The following ARHGAP32 variants were observed in gnomAD, a reference collection of about 807,000 sequenced individuals.
ARHGAP32 encodes the protein Rho GTPase activating protein 32, also known as rho GTPase-activating protein 32.
In ARHGAP32, 51 loss-of-function variants were observed where a neutral mutation model predicts 186.5. The observed-to-expected ratio is 0.27, with a 90% CI of 0.22 to 0.35. ARHGAP32 has a LOEUF of 0.35. Among genes scored for constraint, ARHGAP32 ranks in the 10% least tolerant of loss-of-function variants. ARHGAP32 has a pLI of 1.00. For synonymous variants in ARHGAP32, 950 were observed against 964.3 expected, an observed-to-expected ratio of 0.99 and a Z score of 0.27; for missense variants, 2,186 against 2,623.5, an observed-to-expected ratio of 0.83 and a Z score of 3.64.
At chr11:129,268,391 A>T (rs1945433007) in intron 1 of ARHGAP32, among the ~76,000 whole-genome samples, 1 of 152,212 alleles carries the variant, frequency 6.6e-6, no homozygotes, top group African/African-American at 2.4e-5. Context: ...TTAAAAAGTT[A>T]ATCGGTCATG....
intron 17 of ARHGAP32, 139 bp downstream of exon 17, chr11:128,981,277 T>C: frequency 1.2e-6 from 1 of 864,598 alleles, no homozygotes. Context: ...AAATTGTGCA[T>C]TTTGGTAAGC....
chr11:129,163,312 C>G (rs971365459), intron 2 of ARHGAP32, among the ~76,000 whole-genome samples: 1 of 152,052 alleles, frequency 6.6e-6, no homozygotes, highest in East Asian at 1.9e-4. Flanking sequence ...AGTAAAATGT[C>G]CTCTCCCACA....
chr11:129,073,645 G>A (rs995311843), intron 6 of ARHGAP32, among the ~76,000 whole-genome samples: 4 of 151,472 alleles, frequency 2.6e-5, no homozygotes, highest in African/African-American at 9.7e-5. Flanking sequence ...AGAAGAAATG[G>A]AGAAAGGAGC....
chr11:129,160,646 T>G (rs1228311079), intron 2 of ARHGAP32, among the ~76,000 whole-genome samples: 2 of 151,980 alleles, frequency 1.3e-5, no homozygotes, highest in Admixed American at 6.5e-5. Context: ...CACTGCTCAA[T>G]GAAATAAGAG....
intron 5 of ARHGAP32, among the ~76,000 whole-genome samples, chr11:129,100,984 CA>C (rs1485016688): frequency 1.3e-5 from 2 of 152,170 alleles, no homozygotes; most frequent in Non-Finnish European, 2.9e-5. Flanking sequence ...TGACTGTCAC[CA>C]CCCATTGGAG....
chr11:129,130,497 T>C (rs757653684), intron 2 of ARHGAP32, among the ~76,000 whole-genome samples: 2 of 151,698 alleles, frequency 1.3e-5, no homozygotes, highest in Non-Finnish European at 2.9e-5. Flanking sequence ...ACTCAACATA[T>C]ATAAAGAAAT....
At chr11:129,038,108 C>T (rs10893955) in intron 11 of ARHGAP32, among the ~76,000 whole-genome samples, 27,814 of 151,362 alleles carry the variant, frequency 0.18, 2,773 homozygotes, top group Non-Finnish European at 0.2. Context: ...CTCAAAAAAA[C>T]GAACAAAAAA....
At chr11:129,126,853 G>A (rs910001646) in intron 2 of ARHGAP32, among the ~76,000 whole-genome samples, 1 of 152,064 alleles carries the variant, frequency 6.6e-6, no homozygotes, top group Non-Finnish European at 1.5e-5. Flanking sequence ...TTAAAAAAAA[G>A]TGAAAGTGTG....
intron 1 of ARHGAP32, among the ~76,000 whole-genome samples, chr11:129,169,199 A>G (rs1943701375): frequency 6.6e-6 from 1 of 152,200 alleles, no homozygotes; most frequent in South Asian, 2.1e-4. Context: ...AAAAGAAAAC[A>G]AAGCCAAAGG....
intron 6 of ARHGAP32, among the ~76,000 whole-genome samples, chr11:129,082,451 T>C (rs1941248794): frequency 1.3e-5 from 2 of 151,756 alleles, no homozygotes; most frequent in African/African-American, 4.8e-5. Flanking sequence ...TAAAGCCAAA[T>C]ACAGCTAACT....
intron 10 of ARHGAP32, among the ~76,000 whole-genome samples, chr11:129,060,968 G>A (rs995915369): frequency 2.7e-5 from 4 of 150,334 alleles, no homozygotes; most frequent in East Asian, 2.0e-4. Flanking sequence ...CAATTTGCCC[G>A]AGACAACACA....
At chr11:129,088,979 CAG>C (rs1178578142) in intron 6 of ARHGAP32, among the ~76,000 whole-genome samples, 46 of 104,858 alleles carry the variant, frequency 4.4e-4, no homozygotes, top group Non-Finnish European at 7.5e-4. Flanking sequence ...GCCTGGGTGA[CAG>C]AGAGAGACCT....
At chr11:129,195,481 G>A (rs1275385378), upstream of ARHGAP32, among the ~76,000 whole-genome samples, 1 of 152,020 alleles carries the variant, frequency 6.6e-6, no homozygotes, top group Admixed American at 6.6e-5. Context: ...GCCATCACAA[G>A]TTTTTTAAAA....
At chr11:129,098,842 C>T (rs1941810359) in intron 5 of ARHGAP32, among the ~76,000 whole-genome samples, 1 of 152,080 alleles carries the variant, frequency 6.6e-6, no homozygotes, top group Non-Finnish European at 1.5e-5. Context: ...GACCATGGAG[C>T]TATTACAGGA....
At chr11:129,117,877 A>C (rs1215533625) in intron 5 of ARHGAP32, among the ~76,000 whole-genome samples, 5 of 151,966 alleles carry the variant, frequency 3.3e-5, no homozygotes, top group Admixed American at 6.6e-5. Context: ...CTTCTTACTG[A>C]AAAATATTTT....
At chr11:129,109,772 GTTTT>G (rs959524616) in intron 5 of ARHGAP32, among the ~76,000 whole-genome samples, 1 of 151,586 alleles carries the variant, frequency 6.6e-6, no homozygotes, top group African/African-American at 2.4e-5. Flanking sequence ...TGAGATTTGT[GTTTT>G]TTTATTTTTT....
At chr11:129,169,631 CAAAAAAAAAA>C (rs35715241) in intron 1 of ARHGAP32, among the ~76,000 whole-genome samples, 1 of 75,150 alleles carries the variant, frequency 1.3e-5, no homozygotes. Context: ...GACTCTGTCT[CAAAAAAAAAA>C]AAAAAAAAAA....
chr11:129,000,693 G>A (rs1249766717), intron 11 of ARHGAP32, among the ~76,000 whole-genome samples: 1 of 152,002 alleles, frequency 6.6e-6, no homozygotes, highest in Non-Finnish European at 1.5e-5. Flanking sequence ...AGCCTGTTGT[G>A]CTATCAAATG....
In ARHGAP32 at chr11:128,969,347, C is replaced by A; in HGVS notation, c.5866G>T (p.Val1956Leu). The A allele has an allele frequency of 6.2e-7, 1 of 1,614,212 alleles. No homozygotes were observed. Among genetic ancestry groups the A allele is most frequent in the Non-Finnish European group, 8.5e-7 (1 of 1,180,044 alleles). Residue 1956 changes from valine to leucine, a missense_variant, in exon 23 of 23, where the codon GTA (valine) becomes TTA (leucine). Transcript: ENST00000682385. The surrounding 1 kb of genome is among the most constrained non-coding windows in gnomAD (Gnocchi z 4.8). ...QESLRLNHKE[V>L]RLSKEMERPW... ...CGCTCCATCTCTTTGGAGAGCCTTA[C>A]CTCTTTGTGGTTCAGTCTTAAAGAT...
Sources: gnomAD v4.1 joint callset for allele counts (sites outside exome capture counted in the v4.1 genomes callset) on GRCh38, gnomAD v4.1.1 for gene constraint, Gnocchi (gnomAD v3.1) non-coding constraint, MANE v1.5 for transcripts, NCBI Gene and HGNC (gene_info 2026-07-23, HGNC 2026-07-21) for gene names.